NUBPL: variants seen among roughly 807,000 people sequenced by gnomAD.
The protein encoded by NUBPL is NUBP iron-sulfur cluster assembly factor, mitochondrial.
A neutral mutation model predicts 45.7 loss-of-function variants in NUBPL; 31 were observed. The ratio of observed to expected loss-of-function variants is 0.68; its 90% CI spans 0.51 to 0.92. NUBPL has a LOEUF of 0.92. Among genes scored for constraint, NUBPL ranks in the 40% least tolerant of loss-of-function variants. NUBPL has a pLI of 0.00. For missense variants in NUBPL, 401 were observed against 398.7 expected, an observed-to-expected ratio of 1.01 and a Z score of -0.05; for synonymous variants, 144 against 140.9, an observed-to-expected ratio of 1.02 and a Z score of -0.15.
intron 4 of NUBPL, among the ~76,000 whole-genome samples, chr14:31,609,447 G>A (rs752281417): frequency 6.6e-6 from 1 of 152,112 alleles, no homozygotes; most frequent in Non-Finnish European, 1.5e-5. Context: ...CAGAGCTAAA[G>A]AAAGAGATAA....
At chr14:31,790,848 TAAAAAACA>T (rs1005048795) in intron 7 of NUBPL, among the ~76,000 whole-genome samples, 1 of 151,950 alleles carries the variant, frequency 6.6e-6, no homozygotes, top group Non-Finnish European at 1.5e-5. Context: ...GAGACTGTCT[TAAAAAACA>T]AAAAAACAAA....
At chr14:31,780,881 G>A (rs1050519696) in intron 6 of NUBPL, among the ~76,000 whole-genome samples, 7 of 152,076 alleles carry the variant, frequency 4.6e-5, no homozygotes, top group African/African-American at 1.4e-4. Flanking sequence ...ATACAATTTT[G>A]GAATAACTTT....
intron 10 of NUBPL, among the ~76,000 whole-genome samples, chr14:31,856,775 C>A (rs950891621): frequency 3.9e-5 from 6 of 152,210 alleles, no homozygotes; most frequent in African/African-American, 7.2e-5. Context: ...CTAGGTCACG[C>A]TGATGCAAGA....
chr14:31,802,573 GC>G, intron 7 of NUBPL, among the ~76,000 whole-genome samples: 1 of 152,274 alleles, frequency 6.6e-6, no homozygotes, highest in African/African-American at 2.4e-5. Flanking sequence ...ACCGTACCTG[GC>G]CGCCCTTCTT....
intron 6 of NUBPL, among the ~76,000 whole-genome samples, chr14:31,720,004 T>A (rs2037774421): frequency 6.6e-6 from 1 of 152,186 alleles, no homozygotes; most frequent in Admixed American, 6.5e-5. Context: ...TATTGGATAT[T>A]TAGATTGTTT....
chr14:31,589,601 A>G (rs2034089170), intron 3 of NUBPL, among the ~76,000 whole-genome samples: 1 of 152,144 alleles, frequency 6.6e-6, no homozygotes. Context: ...AAAGTGTATT[A>G]GATTAGCTCC....
intron 7 of NUBPL, among the ~76,000 whole-genome samples, chr14:31,812,088 A>G (rs1453294400): frequency 6.6e-6 from 1 of 152,174 alleles, no homozygotes; most frequent in African/African-American, 2.4e-5. Flanking sequence ...ATTAGGCTAC[A>G]TGGGGGTCAT....
At chr14:31,724,058 T>A (rs1411688597) in intron 6 of NUBPL, among the ~76,000 whole-genome samples, 1 of 152,234 alleles carries the variant, frequency 6.6e-6, no homozygotes, top group Non-Finnish European at 1.5e-5. Context: ...CCATTCAATA[T>A]GAGGTTGTCT....
At chr14:31,707,107 C>G (rs1363518058) in intron 6 of NUBPL, among the ~76,000 whole-genome samples, 1 of 152,238 alleles carries the variant, frequency 6.6e-6, no homozygotes, top group Non-Finnish European at 1.5e-5. Context: ...ATCTATCATC[C>G]TGTCCTGTAG....
chr14:31,737,894 C>T (rs1166525882), intron 6 of NUBPL, among the ~76,000 whole-genome samples: 1 of 152,118 alleles, frequency 6.6e-6, no homozygotes, highest in Non-Finnish European at 1.5e-5. Context: ...ACCAATAATT[C>T]TTCTATTTCT....
chr14:31,808,253 G>T (rs2039729459), intron 7 of NUBPL, among the ~76,000 whole-genome samples: 2 of 152,176 alleles, frequency 1.3e-5, no homozygotes, highest in African/African-American at 4.8e-5. Flanking sequence ...TCCTATCCAT[G>T]AGCATGGAAT....
chr14:31,660,292 G>A (rs974756656), intron 4 of NUBPL, among the ~76,000 whole-genome samples: 3 of 151,954 alleles, frequency 2.0e-5, no homozygotes, highest in Admixed American at 6.6e-5. Context: ...TAAACCTCTC[G>A]TGGTACTAGT....
At chr14:31,687,191 T>C (rs1225180789) in intron 6 of NUBPL, among the ~76,000 whole-genome samples, 2 of 152,256 alleles carry the variant, frequency 1.3e-5, no homozygotes, top group East Asian at 3.8e-4. Context: ...TTGAACTGTT[T>C]GAGTCCACTT....
At position 31,846,526 on chromosome 14, in the gene NUBPL, A is replaced by G; in HGVS notation, c.749A>G (p.Lys250Arg). ...TTCCAGTGTCCAAAATGTAAACACA[A>G]AACTCATATTTTTGGTGCTGATGGT... ...SVFQCPKCKH[K>R]THIFGADGAR... is the part of the protein sequence containing the mutation. The change falls in exon 9 of 11, where the codon AAA (lysine) becomes AGA (arginine). Residue 250 changes from lysine (K) to arginine (R), a missense_variant. Coordinates refer to ENST00000281081, the MANE Select transcript of NUBPL (RefSeq NM_025152.3). 6.2e-7 allele frequency: 1 copy of G among 1,613,506 alleles called. No individual in the cohort carries two copies. The highest frequency in any genetic ancestry group is 8.5e-7 in the Non-Finnish European group (1 of 1,179,768).
chr14:31,754,929 A>G (rs945976442), intron 6 of NUBPL, among the ~76,000 whole-genome samples: 1 of 115,356 alleles, frequency 8.7e-6, no homozygotes, highest in Non-Finnish European at 1.7e-5. Context: ...ATTCCCATCT[A>G]TGAGTGAGAA....
chr14:31,634,108 T>C (rs2035419325), intron 4 of NUBPL, among the ~76,000 whole-genome samples: 1 of 151,862 alleles, frequency 6.6e-6, no homozygotes, highest in Non-Finnish European at 1.5e-5. Context: ...TTATTATACT[T>C]TAAGTTTTAG....
intron 4 of NUBPL, among the ~76,000 whole-genome samples, chr14:31,608,868 C>G (rs191144648): frequency 6.6e-6 from 1 of 151,942 alleles, no homozygotes; most frequent in Non-Finnish European, 1.5e-5. Context: ...GGTTGGGGAC[C>G]CCTGGGTTAT....
At chr14:31,820,158 AAG>A (rs1491032517) in intron 7 of NUBPL, among the ~76,000 whole-genome samples, 1 of 151,490 alleles carries the variant, frequency 6.6e-6, no homozygotes, top group Non-Finnish European at 1.5e-5. Context: ...AAAAAAGAAA[AAG>A]AAAAAAATAT....
At chr14:31,645,139 C>T (rs2035809721) in intron 4 of NUBPL, among the ~76,000 whole-genome samples, 1 of 150,722 alleles carries the variant, frequency 6.6e-6, no homozygotes, top group Admixed American at 6.6e-5. Context: ...AATCTTGGCT[C>T]ACTGCAAGCT....
Sources: gnomAD v4.1 joint callset for allele counts (sites outside exome capture counted in the v4.1 genomes callset) on GRCh38, gnomAD v4.1.1 for gene constraint, MANE v1.5 for transcripts, NCBI Gene and HGNC (gene_info 2026-07-23, HGNC 2026-07-21) for gene names.